The following GNAS-AS1 variants were observed in gnomAD, a reference collection of about 807,000 sequenced individuals.
The protein encoded by GNAS-AS1 is GNAS antisense RNA 1, also known as GNAS antisense RNA 1 (non-protein coding).
chr20:58,829,466 A>G (rs1438056464), intron 4 of GNAS-AS1, among the ~76,000 whole-genome samples: 2 of 152,214 alleles, frequency 1.3e-5, no homozygotes, highest in African/African-American at 4.8e-5. Flanking sequence ...CAACAGAAAG[A>G]CTGCAGTTTA....
Position 58,840,856 on chromosome 20 carries a change from G to A in GNAS-AS1, n.819+1081C>T, listed in dbSNP as rs78536121. 6.0e-5 allele frequency: 97 copies of A among 1,612,662 alleles called. No individual in the cohort carries two copies. The highest frequency in any genetic ancestry group is 1.6e-4 in the Middle Eastern group (1 of 6,084). ...TCCGGCGTCACTAATGGAGGACGCCGTCCAGATTCTCCTTGTTTTCATGGA... is the reference window on the plus strand; with the variant it reads ...TCCGGCGTCACTAATGGAGGACGCCATCCAGATTCTCCTTGTTTTCATGGA... On this transcript the variant is annotated intron_variant and non_coding_transcript_variant, in intron 4 of 4. Transcript: ENST00000424094. This position sits in a 1 kb window ranked among gnomAD's most constrained non-coding sequence, Gnocchi z 6.0.
chr20:58,846,565 G>C (rs147756102), intron 2 of GNAS-AS1, among the ~76,000 whole-genome samples: 1 of 152,324 alleles, frequency 6.6e-6, no homozygotes, highest in East Asian at 1.9e-4. Flanking sequence ...CAAGGCTAAA[G>C]CTTTGGGTTT....
In GNAS-AS1 at chr20:58,840,793, G is replaced by A. The variant is rs1408655246; in HGVS notation, n.819+1144C>T. ...CAAAGAAGCCCACCCGCCGTGACGC[G>A]TCCCCGGAGTCCCCTTCCAAAAAGG... On this transcript the variant is annotated intron_variant and non_coding_transcript_variant, in intron 4 of 4. Coordinates refer to ENST00000424094, the Ensembl canonical transcript of GNAS-AS1. The surrounding 1 kb of genome is among the most constrained non-coding windows in gnomAD (Gnocchi z 6.0). 2 of 1,611,860 alleles carry A rather than the reference G, an allele frequency of 1.2e-6. No individual in the cohort carries two copies. Among genetic ancestry groups the A allele is most frequent in the Admixed American group, 1.7e-5 (1 of 60,002 alleles).
intron 4 of GNAS-AS1, among the ~76,000 whole-genome samples, chr20:58,827,430 G>A (rs1353802741): frequency 6.6e-6 from 1 of 152,220 alleles, no homozygotes; most frequent in African/African-American, 2.4e-5. Flanking sequence ...GTGCAGTGTA[G>A]CCAAGGCTCT....
chr20:58,823,330 A>G (rs1039554043), intron 4 of GNAS-AS1, among the ~76,000 whole-genome samples: 7 of 152,216 alleles, frequency 4.6e-5, no homozygotes, highest in African/African-American at 1.7e-4. Context: ...GGAACCCTCT[A>G]TTCCAATCAT....
At chr20:58,824,168 G>A in intron 4 of GNAS-AS1, 1 of 398,282 alleles carries the variant, frequency 2.5e-6, no homozygotes, top group Non-Finnish European at 4.4e-6. Context: ...TGCCAGGGGT[G>A]AAACACTATG....
rs528475197 is a variant in GNAS-AS1, at chr20:58,842,046, G to A, written n.710C>T. On this transcript the variant is annotated non_coding_transcript_exon_variant, in exon 4 of 5. Transcript: ENST00000424094. Reference sequence around the variant, plus strand: ...AAAGGAGGCAGGGGCCGGCGGCTCCGGCAGCCTTGGGGAGGGGAGGCGAGG... The same window carrying A: ...AAAGGAGGCAGGGGCCGGCGGCTCCAGCAGCCTTGGGGAGGGGAGGCGAGG... 749 of 542,016 alleles carry A rather than the reference G, an allele frequency of 1.4e-3. 5 individuals carry two copies. Among genetic ancestry groups the A allele is most frequent in the African/African-American group, 0.013 (687 of 51,490 alleles). The allele number at this position is 542,016 out of a possible 1,614,324, so 33.6% of individuals were successfully genotyped here.
rs777218004 is a variant in GNAS-AS1, at chr20:58,840,239, C to T, written n.819+1698G>A. The T allele has an allele frequency of 9.3e-6, 15 of 1,611,048 alleles. No homozygotes were observed. The South Asian group carries it at 1.5e-4, about 17-fold the overall frequency. On this transcript the variant is annotated intron_variant and non_coding_transcript_variant, in intron 4 of 4. Transcript: ENST00000424094. This position sits in a 1 kb window ranked among gnomAD's most constrained non-coding sequence, Gnocchi z 6.0. ...CTGCTCCATCGCGCTCCTCCGCGCCCTTGCCACCTCCAACGCCCGTGCCCA... is the reference window on the plus strand; with the variant it reads ...CTGCTCCATCGCGCTCCTCCGCGCCTTTGCCACCTCCAACGCCCGTGCCCA...
chr20:58,842,427 A>G, intron 3 of GNAS-AS1: 1 of 398,628 alleles, frequency 2.5e-6, no homozygotes, highest in Non-Finnish European at 4.4e-6. Context: ...GATAGAAGGA[A>G]AATACCTTAA....
exon 5 of GNAS-AS1, chr20:58,819,236 C>A: frequency 2.5e-6 from 1 of 398,616 alleles, no homozygotes; most frequent in South Asian, 1.3e-4. Flanking sequence ...TCCAGGGACC[C>A]TTGGAAGCAG....
At chr20:58,827,430 G>T (rs1353802741) in intron 4 of GNAS-AS1, among the ~76,000 whole-genome samples, 1 of 152,220 alleles carries the variant, frequency 6.6e-6, no homozygotes, top group Non-Finnish European at 1.5e-5. Context: ...GTGCAGTGTA[G>T]CCAAGGCTCT....
At chr20:58,836,690 C>A (rs754266476) in intron 4 of GNAS-AS1, among the ~76,000 whole-genome samples, 1 of 152,180 alleles carries the variant, frequency 6.6e-6, no homozygotes, top group African/African-American at 2.4e-5. Context: ...AAGTCACGCA[C>A]GTAATGCATT....
intron 4 of GNAS-AS1, among the ~76,000 whole-genome samples, chr20:58,823,715 G>A (rs112326466): frequency 5.4e-4 from 82 of 152,366 alleles, no homozygotes; most frequent in African/African-American, 1.8e-3. Flanking sequence ...GTCCGCTGGG[G>A]TACTGTCTGC....
exon 5 of GNAS-AS1, chr20:58,819,120 G>A: frequency 2.5e-6 from 1 of 398,582 alleles, no homozygotes; most frequent in East Asian, 3.6e-5. Context: ...TCTTTCAGAG[G>A]GCAAAGGTTA....
chr20:58,843,825 T>C (rs968484149), intron 2 of GNAS-AS1, among the ~76,000 whole-genome samples: 1 of 152,258 alleles, frequency 6.6e-6, no homozygotes, highest in Admixed American at 6.5e-5. Flanking sequence ...TGGGAATTTA[T>C]GTTGCAATGT....
chr20:58,826,834 G>C (rs1478233600), intron 4 of GNAS-AS1: 3 of 148,756 alleles, frequency 2.0e-5, no homozygotes, highest in African/African-American at 7.4e-5. Flanking sequence ...CGAGTAGCTG[G>C]GACTACAGGC....
At chr20:58,823,418 C>G (rs900478036) in intron 4 of GNAS-AS1, among the ~76,000 whole-genome samples, 3 of 152,206 alleles carry the variant, frequency 2.0e-5, no homozygotes, top group African/African-American at 7.2e-5. Context: ...AGAAGGCTGG[C>G]AGGGGCTTGG....
chr20:58,839,761 C>T (rs1258739217), intron 4 of GNAS-AS1: 3 of 566,196 alleles, frequency 5.3e-6, no homozygotes, highest in East Asian at 2.9e-5. Flanking sequence ...CTCCTCTGTC[C>T]TCTCCCAGGC....
chr20:58,830,634 G>GCCACACCA (rs1381065412), intron 4 of GNAS-AS1, among the ~76,000 whole-genome samples: 1 of 33,326 alleles, frequency 3.0e-5, no homozygotes, highest in Non-Finnish European at 6.3e-5. Flanking sequence ...CACCACCACC[G>GCCACACCA]CCACACCACC....
Sources: allele counts gnomAD v4.1 joint callset (sites outside exome capture counted in the v4.1 genomes callset), GRCh38; gene constraint gnomAD v4.1.1; non-coding constraint Gnocchi (gnomAD v3.1); transcripts MANE v1.5; gene names NCBI Gene and HGNC (gene_info 2026-07-23, HGNC 2026-07-21).